Variants in SMARCAD1 observed in about 807,000 individuals in gnomAD.
SMARCAD1 encodes SWI/SNF-related matrix-associated actin-dependent regulator of chromatin subfamily A containing DEAD/H box 1.
A neutral mutation model predicts 127.1 loss-of-function variants in SMARCAD1; 25 were observed. That is an observed-to-expected ratio of 0.20 (90% CI 0.14 to 0.27). SMARCAD1 has a LOEUF of 0.27. SMARCAD1 is among the 10% of genes least tolerant of loss of function. The pLI, the probability that SMARCAD1 is intolerant of heterozygous loss-of-function variation, is 1.00. For missense variants in SMARCAD1, 807 were observed against 1,206.0 expected (o/e 0.67, Z 4.90); for synonymous variants, 400 against 396.9 (o/e 1.01, Z -0.09).
At chr4:94,284,046 G>T (rs1754487179) in intron 22 of SMARCAD1, among the ~76,000 whole-genome samples, 1 of 151,906 alleles carries the variant, frequency 6.6e-6, no homozygotes, top group African/African-American at 2.4e-5. Context: ...AGATAGCCGG[G>T]CACGGTGGCT....
rs768546456 is a variant in SMARCAD1 at position 94,252,656 on chromosome 4, A to T, written c.930A>T (p.Lys310Asn). The change falls in exon 9 of 24, where the codon AAA (lysine) becomes AAT (asparagine). Residue 310 changes from lysine (K) to asparagine (N), a missense_variant. This residue lies in a region of SMARCAD1 where 257 missense variants were observed against 303.4 expected (regional missense o/e 0.85). Transcript: ENST00000354268. ...CACAAAGTGAGGTTCCAAATGGAAA[A>T]GAAGTTTCTTCAAGAAGTCAAAATT... Reference protein sequence around the residue: ...YVSQSEVPNGKEVSSRSQNYP... With the variant: ...YVSQSEVPNGNEVSSRSQNYP... 6.3e-7 allele frequency: 1 copy of T among 1,576,004 alleles called. No homozygotes were observed. The highest frequency in any genetic ancestry group is 8.6e-7 in the Non-Finnish European group (1 of 1,164,862).
chr4:94,224,188 A>G (rs550435105), intron 2 of SMARCAD1, among the ~76,000 whole-genome samples: 4 of 152,280 alleles, frequency 2.6e-5, no homozygotes, highest in African/African-American at 9.6e-5. Flanking sequence ...CTCAACTTGC[A>G]TGCAATGTTT....
intron 22 of SMARCAD1, among the ~76,000 whole-genome samples, chr4:94,284,354 G>GAAGA (rs1553922058): frequency 1.9e-5 from 2 of 102,836 alleles, no homozygotes; most frequent in Non-Finnish European, 3.8e-5. Context: ...AAAAAAAAAA[G>GAAGA]AAAAAAGTAA....
In SMARCAD1 at chr4:94,240,977, C is replaced by A; in HGVS notation, c.676C>A (p.Gln226Lys). 1 of 1,612,204 alleles carries A rather than the reference C, an allele frequency of 6.2e-7. No homozygotes were observed. Among genetic ancestry groups the A allele is most frequent in the South Asian group, 1.1e-5 (1 of 90,996 alleles). ...TGAGGAAGATGAATTTAATGATGAT[C>A]AATCTATAAAAAAGACAAGACTGGA... ...PYEEDEFNDDQSIKKTRLDHG... is the reference protein window; with the variant it reads ...PYEEDEFNDDKSIKKTRLDHG... Residue 226 changes from glutamine to lysine, a missense_variant, in exon 6 of 24, where the codon CAA becomes AAA. Transcript: ENST00000354268.
At chr4:94,212,746 C>A (rs990260841) in intron 2 of SMARCAD1, among the ~76,000 whole-genome samples, 1 of 151,980 alleles carries the variant, frequency 6.6e-6, no homozygotes, top group Non-Finnish European at 1.5e-5. Context: ...CTTGGCCTCC[C>A]AAAGTGCTGG....
intron 9 of SMARCAD1, among the ~76,000 whole-genome samples, chr4:94,259,589 A>G (rs1002643133): frequency 4.6e-5 from 7 of 152,170 alleles, no homozygotes; most frequent in Admixed American, 3.9e-4. Flanking sequence ...AGTGAAGTTC[A>G]GTTAAAAATC....
At chr4:94,283,054 T>G in intron 21 of SMARCAD1, 67 bp from the exon 22 acceptor site, 1 of 1,333,884 alleles carries the variant, frequency 7.5e-7, no homozygotes, top group Non-Finnish European at 1.1e-6. Flanking sequence ...TGATAATGAT[T>G]GTTTTCCATT....
chr4:94,208,887 C>A (rs1341277561), intron 2 of SMARCAD1, among the ~76,000 whole-genome samples: 1 of 152,166 alleles, frequency 6.6e-6, no homozygotes, highest in Non-Finnish European at 1.5e-5. Flanking sequence ...GTCAGTGATT[C>A]AGTCCTATGA....
chr4:94,248,595 TA>T, intron 6 of SMARCAD1: 9 of 453,786 alleles, frequency 2.0e-5, no homozygotes, highest in South Asian at 1.4e-4. Context: ...TGTTGCTTCT[TA>T]AAAAAGACTA....
At position 94,249,681 on chromosome 4, in the gene SMARCAD1, T is replaced by G; in HGVS notation, c.733T>G (p.Ser245Ala). 6.2e-7 allele frequency: 1 copy of G among 1,607,264 alleles called. No homozygotes were observed. The highest frequency in any genetic ancestry group is 8.5e-7 in the Non-Finnish European group (1 of 1,174,124). ...AGAGGAATCAAATGAGTCTGCAGAA[T>G]CTAGCAGTAATTGGGAAAAGCAGGA... ...HGEESNESAE[S>A]SSNWEKQESI... The change falls in exon 7 of 24, where the codon TCT becomes GCT. Residue 245 changes from serine to alanine, a missense_variant. By Grantham distance (99) the Ser-to-Ala change is moderately conservative (BLOSUM62 1). Transcript: ENST00000354268.
At chr4:94,249,858 A>C in intron 7 of SMARCAD1, 103 bp downstream of exon 7, 1 of 706,134 alleles carries the variant, frequency 1.4e-6, no homozygotes, top group Non-Finnish European at 2.6e-6. Context: ...TGAGTTTTGT[A>C]TTCTTCTAAT....
chr4:94,231,513 A>T (rs1173802538), intron 3 of SMARCAD1, among the ~76,000 whole-genome samples: 5 of 152,162 alleles, frequency 3.3e-5, no homozygotes, highest in Admixed American at 6.5e-5. Context: ...GTATATAAAG[A>T]ACACCTGTAT....
intron 9 of SMARCAD1, among the ~76,000 whole-genome samples, chr4:94,260,387 A>AG (rs1750787325): frequency 6.6e-6 from 1 of 152,088 alleles, no homozygotes; most frequent in African/African-American, 2.4e-5. Flanking sequence ...TCTGTCACTC[A>AG]GGCTGGAGTG....
chr4:94,283,034 C>G, intron 21 of SMARCAD1, 87 bp from the exon 22 acceptor site: 1 of 1,171,456 alleles, frequency 8.5e-7, no homozygotes. Flanking sequence ...CTTCAGGTTT[C>G]TTTTTCATGT....
Position 94,218,461 on chromosome 4 carries a change from A to G in SMARCAD1, c.191-7658A>G, listed in dbSNP as rs182657337. 3.2e-4 allele frequency among the ~76,000 whole-genome samples: 48 copies of G among 151,502 alleles called. No homozygotes were observed. In the East Asian group the frequency reaches 8.9e-3, roughly 28 times the overall value. On this transcript the variant is annotated intron_variant, in intron 2 of 23. Transcript: ENST00000354268. ...GCATGCATCACGACGCCCAGCTAATATTTGTATTTTTGGTGGAGACAGGGT... is the reference window on the plus strand; with the variant it reads ...GCATGCATCACGACGCCCAGCTAATGTTTGTATTTTTGGTGGAGACAGGGT...
intron 5 of SMARCAD1, among the ~76,000 whole-genome samples, chr4:94,237,388 T>G (rs1275435579): frequency 2.0e-5 from 3 of 152,032 alleles, no homozygotes; most frequent in Non-Finnish European, 4.4e-5. Flanking sequence ...TTTTTTCATG[T>G]TTCAGGGGCT....
At chr4:94,247,269 A>G (rs1405094420) in intron 6 of SMARCAD1, among the ~76,000 whole-genome samples, 2 of 152,176 alleles carry the variant, frequency 1.3e-5, no homozygotes, top group African/African-American at 4.8e-5. Context: ...GGAGATGGAA[A>G]AATAAGCACT....
intron 9 of SMARCAD1, chr4:94,253,491 A>G: frequency 8.8e-7 from 1 of 1,130,072 alleles, no homozygotes. Flanking sequence ...AAAAGAAGCA[A>G]TTGTTTATTT....
intron 2 of SMARCAD1, among the ~76,000 whole-genome samples, chr4:94,214,136 A>G (rs1423193824): frequency 6.6e-6 from 1 of 152,188 alleles, no homozygotes; most frequent in Admixed American, 6.5e-5. Flanking sequence ...AACCTTTAAC[A>G]GTTTCAGTAG....
Sources: gnomAD v4.1 joint callset for allele counts (sites outside exome capture counted in the v4.1 genomes callset) on GRCh38, gnomAD v4.1.1 for gene constraint, gnomAD v4.1.1 regional missense constraint, MANE v1.5 for transcripts, NCBI Gene and HGNC (gene_info 2026-07-23, HGNC 2026-07-21) for gene names.